Variants in LRP1B observed in about 807,000 individuals in gnomAD.
LRP1B encodes low-density lipoprotein receptor-related protein 1B.
LRP1B carries 217 observed loss-of-function variants against 556.6 expected under a neutral mutation model. The ratio of observed to expected loss-of-function variants is 0.39; its 90% CI spans 0.35 to 0.44. The LOEUF is 0.44. Among genes scored for constraint, LRP1B ranks in the 20% least tolerant of loss-of-function variants. LRP1B has a pLI of 1.00. For missense variants in LRP1B, 5,053 were observed against 5,620.8 expected (o/e 0.90, Z 3.23); for synonymous variants, 2,047 against 1,865.8 (o/e 1.10, Z -2.50).
At chr2:141,018,011 A>AT (rs1299486165) in intron 12 of LRP1B, among the ~76,000 whole-genome samples, 1 of 151,776 alleles carries the variant, frequency 6.6e-6, no homozygotes, top group African/African-American at 2.4e-5. Flanking sequence ...AAAAAAAAAA[A>AT]AAAAATTATG....
chr2:140,287,538 C>G (rs1464199750), intron 84 of LRP1B, among the ~76,000 whole-genome samples: 2 of 151,364 alleles, frequency 1.3e-5, no homozygotes, highest in African/African-American at 4.9e-5. Context: ...ATAAATCTTC[C>G]AAGTTCTCAA....
chr2:141,987,946 A>T (rs1393478337), intron 1 of LRP1B, among the ~76,000 whole-genome samples: 1 of 151,928 alleles, frequency 6.6e-6, no homozygotes, highest in Non-Finnish European at 1.5e-5. Context: ...TAAGTGGCGT[A>T]TGCAAAGGAT....
At chr2:140,584,958 G>A (rs193192965) in intron 43 of LRP1B, among the ~76,000 whole-genome samples, 17 of 151,106 alleles carry the variant, frequency 1.1e-4, no homozygotes, top group East Asian at 3.9e-4. Flanking sequence ...TTATTTACTC[G>A]TATACTCATT....
intron 35 of LRP1B, among the ~76,000 whole-genome samples, chr2:140,728,160 A>G (rs2105490766): frequency 6.6e-6 from 1 of 152,078 alleles, no homozygotes; most frequent in South Asian, 2.1e-4. Context: ...TTGTTATTAA[A>G]AAAAAAATCC....
intron 2 of LRP1B, among the ~76,000 whole-genome samples, chr2:141,727,854 TCTC>T (rs1276644015): frequency 7.9e-5 from 12 of 152,198 alleles, no homozygotes; most frequent in Non-Finnish European, 7.4e-5. Context: ...TCACAGAGTA[TCTC>T]CTCAAGTTGT....
intron 41 of LRP1B, among the ~76,000 whole-genome samples, chr2:140,669,821 A>G (rs1407840849): frequency 6.6e-6 from 1 of 152,130 alleles, no homozygotes; most frequent in Non-Finnish European, 1.5e-5. Context: ...TCCATGTCTT[A>G]TACAATATTT....
chr2:140,654,672 C>T (rs534498154), intron 41 of LRP1B, among the ~76,000 whole-genome samples: 10 of 152,054 alleles, frequency 6.6e-5, no homozygotes, highest in African/African-American at 2.2e-4. Context: ...CACAGACTGA[C>T]ACTATAGATG....
At chr2:141,483,985 A>G (rs1683021987) in intron 2 of LRP1B, among the ~76,000 whole-genome samples, 1 of 151,748 alleles carries the variant, frequency 6.6e-6, no homozygotes, top group East Asian at 1.9e-4. Context: ...CCACTTGTCA[A>G]TTTTGGCTTT....
intron 15 of LRP1B, among the ~76,000 whole-genome samples, chr2:140,998,545 C>A (rs1697320839): frequency 6.6e-6 from 1 of 152,012 alleles, no homozygotes. Flanking sequence ...TATGCTACAA[C>A]TGACATCATT....
intron 51 of LRP1B, among the ~76,000 whole-genome samples, chr2:140,512,172 T>G (rs1037316024): frequency 6.6e-6 from 1 of 152,210 alleles, no homozygotes; most frequent in Non-Finnish European, 1.5e-5. Context: ...TGAAGACTAG[T>G]GTCTGAATTA....
At chr2:141,206,624 A>G (rs1288429744) in intron 6 of LRP1B, among the ~76,000 whole-genome samples, 1 of 152,120 alleles carries the variant, frequency 6.6e-6, no homozygotes, top group Admixed American at 6.5e-5. Context: ...TTCTAAACAA[A>G]GAACACCAAA....
At chr2:141,074,011 T>C (rs1699715077) in intron 7 of LRP1B, among the ~76,000 whole-genome samples, 1 of 152,090 alleles carries the variant, frequency 6.6e-6, no homozygotes, top group African/African-American at 2.4e-5. Flanking sequence ...TAAACCTTCC[T>C]ATAGCTGCTG....
intron 1 of LRP1B, among the ~76,000 whole-genome samples, chr2:142,015,336 T>C (rs1703086037): frequency 6.6e-6 from 1 of 152,172 alleles, no homozygotes; most frequent in Non-Finnish European, 1.5e-5. Context: ...AAACTGAAAC[T>C]GGACCCCTTT....
chr2:141,050,384 T>C (rs980661072), intron 10 of LRP1B, among the ~76,000 whole-genome samples: 2 of 152,002 alleles, frequency 1.3e-5, no homozygotes, highest in Non-Finnish European at 1.5e-5. Context: ...GTGTGCAGGT[T>C]TGTTACATAG....
At chr2:140,409,783 G>A (rs1409869503) in intron 66 of LRP1B, among the ~76,000 whole-genome samples, 1 of 151,260 alleles carries the variant, frequency 6.6e-6, no homozygotes, top group African/African-American at 2.4e-5. Context: ...TAAACTTCGG[G>A]ACCAAGACTT....
At chr2:141,570,399 G>T (rs1397456880) in intron 2 of LRP1B, among the ~76,000 whole-genome samples, 1 of 151,028 alleles carries the variant, frequency 6.6e-6, no homozygotes, top group African/African-American at 2.4e-5. Flanking sequence ...TTTTTCCACA[G>T]ATGTGTGGAA....
chr2:141,067,325 G>A (rs987013894), intron 7 of LRP1B, among the ~76,000 whole-genome samples: 2 of 151,906 alleles, frequency 1.3e-5, no homozygotes, highest in African/African-American at 4.8e-5. Flanking sequence ...TAAAGCATGT[G>A]GATAATAAAC....
At chr2:141,981,965 T>C (rs1469344314) in intron 1 of LRP1B, among the ~76,000 whole-genome samples, 1 of 152,096 alleles carries the variant, frequency 6.6e-6, no homozygotes, top group Non-Finnish European at 1.5e-5. Context: ...TTTTCTTAGA[T>C]TCCTGAAAGA....
chr2:142,014,015 A>G (rs1174357305), intron 1 of LRP1B, among the ~76,000 whole-genome samples: 1 of 152,196 alleles, frequency 6.6e-6, no homozygotes, highest in Non-Finnish European at 1.5e-5. Flanking sequence ...GATTCTTGCA[A>G]TATATAGTAA....
Sources: gnomAD v4.1 joint callset for allele counts (sites outside exome capture counted in the v4.1 genomes callset) on GRCh38, gnomAD v4.1.1 for gene constraint, MANE v1.5 for transcripts, NCBI Gene and HGNC (gene_info 2026-07-23, HGNC 2026-07-21) for gene names.